MET: variants seen among roughly 807,000 people sequenced by gnomAD.
MET encodes hepatocyte growth factor receptor.
MET carries 48 observed loss-of-function variants against 133.1 expected under a neutral mutation model. The ratio of observed to expected loss-of-function variants is 0.36; its 90% CI spans 0.29 to 0.46. The LOEUF (loss-of-function observed/expected upper bound fraction) is 0.46. Ranked by LOEUF, MET falls within the 20% of genes least tolerant of loss-of-function variation. MET has a pLI of 1.00. For missense variants in MET, 1,442 were observed against 1,695.9 expected, an observed-to-expected ratio of 0.85 and a Z score of 2.63; for synonymous variants, 628 against 616.5, an observed-to-expected ratio of 1.02 and a Z score of -0.28.
At chr7:116,771,711 G>T (rs1794839540) in intron 13 of MET, 57 bp downstream of exon 13, 1 of 1,609,030 alleles carries the variant, frequency 6.2e-7, no homozygotes, top group Non-Finnish European at 8.5e-7. Context: ...AGTCATTACA[G>T]TTTAAGATTG....
chr7:116,770,049 G>A, intron 12 of MET: 1 of 531,280 alleles, frequency 1.9e-6, no homozygotes. Context: ...CCCAAAATTT[G>A]CTGTAATTCT....
At chr7:116,754,949 AAG>A (rs1307806710) in intron 5 of MET, among the ~76,000 whole-genome samples, 12 of 129,334 alleles carry the variant, frequency 9.3e-5, no homozygotes, top group African/African-American at 2.0e-4. Flanking sequence ...GAAAGAAAGA[AAG>A]AGAAAGAAAG....
chr7:116,760,191 A>G (rs1485967265), intron 10 of MET, among the ~76,000 whole-genome samples: 1 of 152,152 alleles, frequency 6.6e-6, no homozygotes, highest in African/African-American at 2.4e-5. Flanking sequence ...TCCTTGGAAA[A>G]GGTTGCTGAT....
intron 18 of MET, 77 bp from the exon 19 acceptor site, chr7:116,783,227 T>C (rs2117064317): frequency 6.4e-7 from 1 of 1,558,578 alleles, no homozygotes; most frequent in East Asian, 2.3e-5. Flanking sequence ...AAGCCACTTG[T>C]TTAATCTGTA....
At chr7:116,793,654 T>G (rs1795582884) in intron 19 of MET, among the ~76,000 whole-genome samples, 1 of 151,918 alleles carries the variant, frequency 6.6e-6, no homozygotes, top group South Asian at 2.1e-4. Flanking sequence ...ATCCCAGCAC[T>G]TTGGGAGGCC....
intron 2 of MET, among the ~76,000 whole-genome samples, chr7:116,716,481 GAAA>G (rs1562893353): frequency 1.6e-5 from 2 of 123,446 alleles, no homozygotes; most frequent in Non-Finnish European, 3.4e-5. Context: ...AAGAAAGAAA[GAAA>G]GAAAGAAAGA....
At chr7:116,700,308 T>C (rs1272278388) in intron 2 of MET, 24 bp downstream of exon 2, 3 of 1,594,452 alleles carry the variant, frequency 1.9e-6, no homozygotes, top group Admixed American at 1.7e-5. Context: ...GTTCCCCACT[T>C]ATAAACTGTG....
At position 116,699,784 on chromosome 7, in the gene MET, T is replaced by C. The variant is rs2116595685; in HGVS notation, c.700T>C (p.Tyr234His). The C allele has an allele frequency of 1.9e-6, 3 of 1,614,162 alleles. No homozygotes were observed. The highest frequency in any genetic ancestry group is 1.1e-5 in the South Asian group (1 of 91,082). ...TTTTATGTTTTTGACGGACCAGTCC[T>C]ACATTGATGTTTTACCTGAGTTCAG... The part of the protein sequence containing the change: ...DGFMFLTDQS[Y>H]IDVLPEFRDS... Residue 234 changes from tyrosine to histidine, a missense_variant, in exon 2 of 21, where the codon TAC becomes CAC. Tyr to His is a moderately conservative substitution (Grantham distance 83, BLOSUM62 2). This residue lies in a region of MET where 762 missense variants were observed against 792.4 expected (regional missense o/e 0.96). Coordinates refer to ENST00000397752, the MANE Select transcript of MET (RefSeq NM_000245.4).
chr7:116,777,554 C>A, intron 16 of MET, 85 bp downstream of exon 16: 1 of 1,321,264 alleles, frequency 7.6e-7, no homozygotes, highest in Non-Finnish European at 1.1e-6. Context: ...TTGATTTACA[C>A]TTTCCCCTTG....
rs863224380 is a variant in MET, at chr7:116,699,753, A to G, written c.669A>G (p.Lys223=). ...CAGTGAGAAGGCTAAAGGAAACGAA[A>G]GATGGTTTTATGTTTTTGACGGACC... The part of the protein sequence containing the change: ...SISVRRLKET[K]DGFMFLTDQS... The change falls in exon 2 of 21, where the codon AAA becomes AAG. Residue 223 remains lysine (K), a synonymous_variant. Transcript: ENST00000397752. 4 of 1,614,002 alleles carry G rather than the reference A, an allele frequency of 2.5e-6. No homozygotes were observed. The highest frequency in any genetic ancestry group is 3.4e-6 in the Non-Finnish European group (4 of 1,179,986).
At chr7:116,741,214 G>T in intron 5 of MET, 189 bp downstream of exon 5, 1 of 656,610 alleles carries the variant, frequency 1.5e-6, no homozygotes, top group South Asian at 1.8e-5. Flanking sequence ...TTTATCCCTC[G>T]GGCAGGGAGG....
chr7:116,771,348 T>G, intron 12 of MET, 150 bp from the exon 13 acceptor site: 1 of 843,034 alleles, frequency 1.2e-6, no homozygotes. Context: ...TGGAGCATAA[T>G]TGAGGAATCT....
chr7:116,710,115 T>A (rs1339639385), intron 2 of MET, among the ~76,000 whole-genome samples: 1 of 152,142 alleles, frequency 6.6e-6, no homozygotes, highest in Non-Finnish European at 1.5e-5. Context: ...AATGTGGAAA[T>A]AAATGAGCAA....
At chr7:116,746,001 G>A (rs1041852335) in intron 5 of MET, among the ~76,000 whole-genome samples, 5 of 152,126 alleles carry the variant, frequency 3.3e-5, no homozygotes, top group Admixed American at 1.3e-4. Context: ...GCAACCTACA[G>A]AATGGGAGAA....
intron 5 of MET, among the ~76,000 whole-genome samples, chr7:116,753,899 C>T (rs1794024080): frequency 6.6e-6 from 1 of 152,076 alleles, no homozygotes; most frequent in Non-Finnish European, 1.5e-5. Flanking sequence ...TTTGTTAGTG[C>T]CTGGTGCATA....
At chr7:116,773,452 C>T (rs1423429918) in intron 14 of MET, among the ~76,000 whole-genome samples, 1 of 152,196 alleles carries the variant, frequency 6.6e-6, no homozygotes, top group Non-Finnish European at 1.5e-5. Flanking sequence ...ATCCATGTCT[C>T]ACCAAGGATT....
chr7:116,685,127 C>T (rs1163883118), intron 1 of MET, among the ~76,000 whole-genome samples: 1 of 152,066 alleles, frequency 6.6e-6, no homozygotes, highest in Non-Finnish European at 1.5e-5. Context: ...GAAGGATATC[C>T]AACTGCTCCT....
At chr7:116,736,062 G>A (rs1165063151) in intron 3 of MET, among the ~76,000 whole-genome samples, 1 of 152,098 alleles carries the variant, frequency 6.6e-6, no homozygotes, top group Non-Finnish European at 1.5e-5. Flanking sequence ...ACAGGTATGA[G>A]TCACCGTGCC....
chr7:116,743,151 T>C (rs1793528149), intron 5 of MET, among the ~76,000 whole-genome samples: 1 of 152,168 alleles, frequency 6.6e-6, no homozygotes, highest in Non-Finnish European at 1.5e-5. Context: ...CTCCCTCCCC[T>C]AGCAAAAGGA....
Sources: allele counts gnomAD v4.1 joint callset (sites outside exome capture counted in the v4.1 genomes callset), GRCh38; gene constraint gnomAD v4.1.1; regional missense constraint gnomAD v4.1.1; transcripts MANE v1.5; gene names NCBI Gene and HGNC (gene_info 2026-07-23, HGNC 2026-07-21).